UBN1: variants seen among roughly 807,000 people sequenced by gnomAD.
UBN1 encodes the protein ubinuclein-1.
Under a neutral mutation model 108.5 loss-of-function variants are expected in UBN1, and 17 were observed. The observed-to-expected ratio is 0.16, with a 90% CI of 0.11 to 0.24. UBN1 has a LOEUF of 0.24. UBN1 is among the 10% of genes least tolerant of loss of function. UBN1 has a pLI of 1.00. For missense variants in UBN1, 1,595 were observed against 1,394.4 expected (o/e 1.14, Z -2.29); for synonymous variants, 726 against 564.2 (o/e 1.29, Z -4.07).
At chr16:4,873,577 C>T (rs1358430692) in intron 14 of UBN1, among the ~76,000 whole-genome samples, 1 of 152,124 alleles carries the variant, frequency 6.6e-6, no homozygotes, top group African/African-American at 2.4e-5. Context: ...AACATTTTTC[C>T]CAGTTCTTAG....
intron 17 of UBN1, among the ~76,000 whole-genome samples, chr16:4,879,756 C>G (rs77825172): frequency 0.015 from 2,323 of 152,312 alleles, 31 homozygotes; most frequent in Non-Finnish European, 0.024. Flanking sequence ...GCCTTGAGTT[C>G]TGTGTGATCG....
intron 13 of UBN1, 42 bp from the exon 14 acceptor site, chr16:4,872,989 T>C: frequency 6.2e-7 from 1 of 1,614,226 alleles, no homozygotes; most frequent in Non-Finnish European, 8.5e-7. Context: ...TGGTCTCCTC[T>C]GGATATTCTC....
intron 3 of UBN1, 144 bp downstream of exon 3, chr16:4,858,220 C>G (rs1444382218): frequency 8.6e-6 from 6 of 696,978 alleles, no homozygotes; most frequent in Non-Finnish European, 1.2e-5. Context: ...AGTTATTAAA[C>G]CTAACGCATT....
chr16:4,864,070 G>A (rs1596496345), intron 7 of UBN1, among the ~76,000 whole-genome samples: 1 of 130,764 alleles, frequency 7.6e-6, no homozygotes, highest in Non-Finnish European at 1.6e-5. Flanking sequence ...TGTTGTTGTT[G>A]TTGCCTTTTT....
At chr16:4,867,481 C>A (rs1302456989) in intron 7 of UBN1, among the ~76,000 whole-genome samples, 2 of 152,164 alleles carry the variant, frequency 1.3e-5, no homozygotes, top group African/African-American at 4.8e-5. Context: ...TGTAACCAAT[C>A]CCCTGCCTAT....
At chr16:4,858,505 A>G in intron 3 of UBN1, 63 bp from the exon 4 acceptor site, 2 of 1,484,762 alleles carry the variant, frequency 1.3e-6, no homozygotes, top group Non-Finnish European at 1.9e-6. Context: ...ATGAAGTTCA[A>G]GGCCACAGTT....
chr16:4,861,264 G>C (rs569233486), intron 7 of UBN1, among the ~76,000 whole-genome samples, 162 bp downstream of exon 7: 1 of 152,384 alleles, frequency 6.6e-6, no homozygotes, highest in South Asian at 2.1e-4. Context: ...AGAAAACAGT[G>C]TAAGCCTTGC....
chr16:4,875,495 G>A (rs937322556), intron 15 of UBN1, 61 bp downstream of exon 15: 2 of 1,545,566 alleles, frequency 1.3e-6, no homozygotes, highest in African/African-American at 1.4e-5. Context: ...GGATGAGGTT[G>A]CTTGCCTTGC....
chr16:4,864,827 G>A (rs570460891), intron 7 of UBN1, among the ~76,000 whole-genome samples: 1 of 152,196 alleles, frequency 6.6e-6, no homozygotes, highest in South Asian at 2.1e-4. Flanking sequence ...ATCACAAGAA[G>A]TGCAGGGAGA....
intron 7 of UBN1, among the ~76,000 whole-genome samples, chr16:4,862,321 TAAAG>T (rs1323393679): frequency 6.6e-6 from 1 of 152,204 alleles, no homozygotes; most frequent in African/African-American, 2.4e-5. Context: ...ACAAAGCAAA[TAAAG>T]TATCTATTCA....
At chr16:4,857,945 G>A in intron 2 of UBN1, 45 bp from the exon 3 acceptor site, 2 of 1,392,062 alleles carry the variant, frequency 1.4e-6, no homozygotes, top group East Asian at 2.3e-5. Flanking sequence ...ATAAGAACAT[G>A]GGAATATTTT....
Position 4,850,315 on chromosome 16 carries a change from G to A in UBN1, c.-40+2105G>A, listed in dbSNP as rs543262990. Among the ~76,000 whole-genome samples the A allele has an allele frequency of 5.3e-5, 8 of 152,288 alleles. No homozygotes were observed. In the East Asian group the frequency reaches 1.5e-3, roughly 29 times the overall value. On this transcript the variant is annotated intron_variant, in intron 1 of 17. Transcript: ENST00000262376. ...CTGAAAGGAGCAGTTTTGCCATCTA[G>A]GATTGAAGCTGCAGTCTCTCAGACT... is the stretch of plus-strand genomic sequence containing the variant.
In UBN1 at chr16:4,874,113, GT is replaced by G. The variant is rs1199282249; in HGVS notation, c.1801-91del. 117 of 1,450,364 alleles carry G rather than the reference GT, an allele frequency of 8.1e-5. No homozygotes were observed. In the Middle Eastern group the frequency reaches 1.1e-3, roughly 14 times the overall value. 89.8% of individuals were successfully genotyped at this position (1,450,364 alleles called of 1,614,324 possible). On this transcript the variant is annotated intron_variant, in intron 14 of 17. Coordinates refer to ENST00000262376, the MANE Select transcript of UBN1 (RefSeq NM_001079514.3). ...TCTTGTAATTATACAGGAAGGCCCAGTTTTTTTGACTCGAGTTCACATGTTT... is the reference window on the plus strand; with the variant it reads ...TCTTGTAATTATACAGGAAGGCCCAGTTTTTTGACTCGAGTTCACATGTTT...
intron 7 of UBN1, among the ~76,000 whole-genome samples, chr16:4,867,577 G>C (rs887891796): frequency 6.6e-6 from 1 of 152,204 alleles, no homozygotes; most frequent in Non-Finnish European, 1.5e-5. Context: ...TTAGGGCTTA[G>C]TTTAGATTTG....
intron 7 of UBN1, among the ~76,000 whole-genome samples, chr16:4,864,673 A>G (rs1369355008): frequency 6.6e-6 from 1 of 152,086 alleles, no homozygotes; most frequent in East Asian, 1.9e-4. Context: ...TTTGACAGCT[A>G]CTCAGCCTTG....
intron 7 of UBN1, among the ~76,000 whole-genome samples, chr16:4,867,101 T>C (rs955755265): frequency 6.6e-6 from 1 of 152,122 alleles, no homozygotes; most frequent in African/African-American, 2.4e-5. Context: ...GGACCCCAAA[T>C]GCCATGTGAA....
Position 4,874,765 on chromosome 16 carries a change from C to T in UBN1, c.2355C>T (p.Ser785=). The T allele has an allele frequency of 6.2e-7, 1 of 1,614,130 alleles. No individual in the cohort carries two copies. Among genetic ancestry groups the T allele is most frequent in the Non-Finnish European group, 8.5e-7 (1 of 1,180,032 alleles). The part of the protein sequence containing the change: ...EVHQSKAKHH[S]LPRTSHGPQV... ...ATCAGTCCAAAGCTAAGCACCACAGCTTGCCACGGACGTCTCACGGGCCCC... is the reference window on the plus strand; with the variant it reads ...ATCAGTCCAAAGCTAAGCACCACAGTTTGCCACGGACGTCTCACGGGCCCC... Residue 785 remains serine (S), a synonymous_variant, in exon 15 of 18, where the codon AGC becomes AGT. Transcript: ENST00000262376.
At chr16:4,849,717 T>C (rs1270319177) in intron 1 of UBN1, among the ~76,000 whole-genome samples, 1 of 151,342 alleles carries the variant, frequency 6.6e-6, no homozygotes, top group Non-Finnish European at 1.5e-5. Context: ...CTCAGCCTCC[T>C]TAGTAGCCAA....
In UBN1 at chr16:4,859,002, G is replaced by C. The variant is rs1329429465; in HGVS notation, c.433-23G>C. ...GACTGCAGAAGCAGAACTTGGAGCT[G>C]ACAGTTTGTTTCCCATCTTCAGTAT... is the stretch of plus-strand genomic sequence containing the variant. On this transcript the variant is annotated intron_variant, in intron 4 of 17. Coordinates refer to ENST00000262376, the MANE Select transcript of UBN1 (RefSeq NM_001079514.3). 4.3e-6 allele frequency: 7 copies of C among 1,609,828 alleles called. No homozygotes were observed. The Admixed American group carries it at 6.8e-5, about 16-fold the overall frequency.
Sources: allele counts gnomAD v4.1 joint callset (sites outside exome capture counted in the v4.1 genomes callset), GRCh38; gene constraint gnomAD v4.1.1; transcripts MANE v1.5; gene names NCBI Gene and HGNC (gene_info 2026-07-23, HGNC 2026-07-21).